Variants in MGAT4C observed in about 807,000 individuals in gnomAD.
MGAT4C encodes the protein MGAT4 family member C, also known as alpha-1,3-mannosyl-glycoprotein 4-beta-N-acetylglucosaminyltransferase C.
MGAT4C carries 19 observed loss-of-function variants against 40.1 expected under a neutral mutation model. The ratio of observed to expected loss-of-function variants is 0.47; its 90% CI spans 0.33 to 0.70. The LOEUF is 0.70. MGAT4C is among the 30% of genes least tolerant of loss of function. The pLI is 0.02. For missense variants in MGAT4C, 491 were observed against 563.2 expected (o/e 0.87, Z 1.30); for synonymous variants, 181 against 187.1 (o/e 0.97, Z 0.27).
chr12:86,432,228 G>A (rs1957054259), intron 3 of MGAT4C, among the ~76,000 whole-genome samples: 1 of 152,046 alleles, frequency 6.6e-6, no homozygotes, highest in Admixed American at 6.6e-5. Flanking sequence ...GAATCACAAG[G>A]ATTGTGCAAA....
chr12:85,996,305 T>C (rs1314989627), intron 2 of MGAT4C, among the ~76,000 whole-genome samples: 5 of 152,230 alleles, frequency 3.3e-5, no homozygotes, highest in Middle Eastern at 3.4e-3. Flanking sequence ...ACAAAAACAA[T>C]TTCTAGGGAT....
chr12:85,999,664 T>TA (rs1447865297), intron 2 of MGAT4C, among the ~76,000 whole-genome samples: 1 of 151,472 alleles, frequency 6.6e-6, no homozygotes, highest in Non-Finnish European at 1.5e-5. Context: ...TATTTAGCCA[T>TA]AAAATAGAAT....
chr12:86,665,482 T>C (rs901847155), intron 2 of MGAT4C, among the ~76,000 whole-genome samples: 8 of 152,154 alleles, frequency 5.3e-5, no homozygotes, highest in African/African-American at 1.9e-4. Flanking sequence ...GTTCAGGGCA[T>C]TCTCCTGCCT....
chr12:86,066,429 T>G (rs1172564794), intron 1 of MGAT4C, among the ~76,000 whole-genome samples: 1 of 151,940 alleles, frequency 6.6e-6, no homozygotes, highest in East Asian at 1.9e-4. Flanking sequence ...ATCTTACCTT[T>G]GACAAACCTG....
At chr12:86,318,220 C>T (rs1199615992) in intron 4 of MGAT4C, among the ~76,000 whole-genome samples, 1 of 151,724 alleles carries the variant, frequency 6.6e-6, no homozygotes, top group Non-Finnish European at 1.5e-5. Context: ...ATTTTTTTGT[C>T]ATTTTTCATA....
intron 2 of MGAT4C, among the ~76,000 whole-genome samples, chr12:86,715,086 A>G (rs1184170086): frequency 6.6e-6 from 1 of 152,134 alleles, no homozygotes; most frequent in Non-Finnish European, 1.5e-5. Context: ...ATTATATATA[A>G]TTCCTAAATA....
intron 1 of MGAT4C, among the ~76,000 whole-genome samples, chr12:86,237,698 A>C (rs1011960846): frequency 1.3e-5 from 2 of 151,882 alleles, no homozygotes; most frequent in Non-Finnish European, 2.9e-5. Context: ...TGAAGCTCAC[A>C]GTCTACTTGC....
intron 3 of MGAT4C, among the ~76,000 whole-genome samples, chr12:86,360,118 A>C (rs1396048781): frequency 1.3e-5 from 2 of 152,198 alleles, no homozygotes; most frequent in African/African-American, 4.8e-5. Context: ...CCAGCAGCAC[A>C]TCAAAAAGCT....
intron 1 of MGAT4C, among the ~76,000 whole-genome samples, chr12:86,092,763 G>T (rs958842685): frequency 1.3e-5 from 2 of 151,978 alleles, no homozygotes; most frequent in Non-Finnish European, 2.9e-5. Context: ...CAGGGCATAG[G>T]CCTCTAAAGA....
chr12:86,397,398 A>G (rs1174317005), intron 3 of MGAT4C, among the ~76,000 whole-genome samples: 2 of 152,008 alleles, frequency 1.3e-5, no homozygotes, highest in Non-Finnish European at 2.9e-5. Flanking sequence ...TTTTAAACCA[A>G]CTTGATCTTT....
chr12:86,127,064 G>A (rs974580463), intron 1 of MGAT4C, among the ~76,000 whole-genome samples: 1 of 152,200 alleles, frequency 6.6e-6, no homozygotes, highest in African/African-American at 2.4e-5. Flanking sequence ...GACAGGAGGT[G>A]GAGCAGTAAT....
At chr12:86,400,869 C>G (rs1592793634) in intron 3 of MGAT4C, among the ~76,000 whole-genome samples, 1 of 152,014 alleles carries the variant, frequency 6.6e-6, no homozygotes, top group African/African-American at 2.4e-5. Flanking sequence ...AGTAATTTAG[C>G]TTTTCTAGGA....
At chr12:86,651,390 T>C (rs936011889) in intron 2 of MGAT4C, among the ~76,000 whole-genome samples, 7 of 151,838 alleles carry the variant, frequency 4.6e-5, no homozygotes, top group Non-Finnish European at 7.4e-5. Context: ...AATTTTAAAA[T>C]CCAACAATTT....
intron 2 of MGAT4C, among the ~76,000 whole-genome samples, chr12:86,477,166 G>A (rs1279799397): frequency 1.3e-5 from 2 of 151,262 alleles, no homozygotes; most frequent in Non-Finnish European, 2.9e-5. Context: ...GTATTTATAA[G>A]TAAAATTGAC....
In MGAT4C at chr12:85,998,091, C is replaced by T. The variant is rs114448104; in HGVS notation, c.-6-8539G>A. Among the ~76,000 whole-genome samples the T allele has an allele frequency of 2.1e-3, 322 of 152,332 alleles. 2 individuals carry two copies. Among genetic ancestry groups the T allele is most frequent in the African/African-American group, 7.2e-3 (298 of 41,586 alleles). On this transcript the variant is annotated intron_variant, in intron 2 of 4. Transcript: ENST00000611864. Reference sequence around the variant, plus strand: ...TTCCCAAACCCTGATTCTTCACTTCCATGCACTCTCAGGCTCAATACCATA... The same window carrying T: ...TTCCCAAACCCTGATTCTTCACTTCTATGCACTCTCAGGCTCAATACCATA...
At chr12:86,170,695 G>A (rs1886724255) in intron 1 of MGAT4C, among the ~76,000 whole-genome samples, 1 of 152,184 alleles carries the variant, frequency 6.6e-6, no homozygotes, top group African/African-American at 2.4e-5. Context: ...GCTCACACCT[G>A]TAATCCCAGC....
At chr12:86,514,111 A>ACACCCC (rs1475679807) in intron 2 of MGAT4C, among the ~76,000 whole-genome samples, 2 of 126,578 alleles carry the variant, frequency 1.6e-5, no homozygotes, top group African/African-American at 6.4e-5. Context: ...CACACACACA[A>ACACCCC]CCCCGGCTTA....
intron 2 of MGAT4C, among the ~76,000 whole-genome samples, chr12:86,708,979 G>T (rs1253345399): frequency 6.6e-6 from 1 of 152,130 alleles, no homozygotes; most frequent in Non-Finnish European, 1.5e-5. Context: ...TTAAGATTTG[G>T]GGAACTGTTG....
chr12:86,030,218 G>A (rs2136901429), intron 2 of MGAT4C, among the ~76,000 whole-genome samples: 1 of 151,796 alleles, frequency 6.6e-6, no homozygotes, highest in Non-Finnish European at 1.5e-5. Context: ...ACTTAGGTTT[G>A]TACATTTGGA....
Sources: gnomAD v4.1 joint callset for allele counts (sites outside exome capture counted in the v4.1 genomes callset) on GRCh38, gnomAD v4.1.1 for gene constraint, MANE v1.5 for transcripts, NCBI Gene and HGNC (gene_info 2026-07-23, HGNC 2026-07-21) for gene names.